ESRRG: variants seen among roughly 807,000 people sequenced by gnomAD.
The protein encoded by ESRRG is estrogen related receptor gamma, also known as estrogen-related receptor gamma.
A neutral mutation model predicts 44.0 loss-of-function variants in ESRRG; 13 were observed. That is an observed-to-expected ratio of 0.30 (90% CI 0.19 to 0.47). The LOEUF (loss-of-function observed/expected upper bound fraction) is 0.47, where lower values mean the gene tolerates loss of function less well. ESRRG is among the 20% of genes least tolerant of loss of function. The pLI is 1.00. For synonymous variants in ESRRG, 215 were observed against 214.6 expected, an observed-to-expected ratio of 1.00 and a Z score of -0.02; for missense variants, 395 against 580.6, an observed-to-expected ratio of 0.68 and a Z score of 3.29.
intron 1 of ESRRG, among the ~76,000 whole-genome samples, chr1:216,683,708 A>T (rs953012244): frequency 6.6e-6 from 1 of 152,200 alleles, no homozygotes; most frequent in African/African-American, 2.4e-5. Flanking sequence ...TGATCATCGA[A>T]ATAAAAGTGT....
At chr1:216,952,821 C>T (rs1465042083) in intron 1 of ESRRG, among the ~76,000 whole-genome samples, 1 of 152,038 alleles carries the variant, frequency 6.6e-6, no homozygotes, top group Non-Finnish European at 1.5e-5. Context: ...TCTTTCCTGG[C>T]ACTGTTTTAC....
intron 5 of ESRRG, among the ~76,000 whole-genome samples, chr1:216,557,082 A>T (rs1175389186): frequency 6.6e-6 from 1 of 152,180 alleles, no homozygotes; most frequent in Non-Finnish European, 1.5e-5. Flanking sequence ...CAGTCTTAGC[A>T]ACCAATCATT....
At chr1:216,701,373 G>A (rs1261499003) in intron 1 of ESRRG, 1 of 152,148 alleles carries the variant, frequency 6.6e-6, no homozygotes, top group Non-Finnish European at 1.5e-5. Flanking sequence ...GACATTCTGT[G>A]AGATCCTGTC....
chr1:216,805,918 T>C (rs1404817600), intron 2 of ESRRG, among the ~76,000 whole-genome samples: 1 of 152,128 alleles, frequency 6.6e-6, no homozygotes, highest in Non-Finnish European at 1.5e-5. Flanking sequence ...AGAAGATGAC[T>C]AGAAGGCTGT....
intron 2 of ESRRG, among the ~76,000 whole-genome samples, chr1:216,824,198 G>A (rs1040188682): frequency 2.0e-5 from 3 of 152,122 alleles, no homozygotes; most frequent in Non-Finnish European, 2.9e-5. Flanking sequence ...TGTAATCCCA[G>A]CACTTTGAGA....
At position 216,507,158 on chromosome 1, in the gene ESRRG, T is replaced by G; in HGVS notation, c.1158A>C (p.Glu386Asp). The change falls in exon 7 of 7, where the codon GAA becomes GAC. Residue 386 changes from glutamate (E) to aspartate (D), a missense_variant. This residue lies in a region of ESRRG where 167 missense variants were observed against 251.8 expected (regional missense o/e 0.66). Coordinates refer to ENST00000408911, the MANE Select transcript of ESRRG (RefSeq NM_001438.4). Reference sequence around the variant, plus strand: ...AGACATCCTGAAGCTTCTGAACGGCTTCAACATCTTCTATGTGCATGGAGT... The same window carrying G: ...AGACATCCTGAAGCTTCTGAACGGCGTCAACATCTTCTATGTGCATGGAGT... ...NSDSMHIEDV[E>D]AVQKLQDVLH... The G allele has an allele frequency of 6.2e-7, 1 of 1,612,276 alleles. No homozygotes were observed. The highest frequency in any genetic ancestry group is 1.3e-5 in the African/African-American group (1 of 74,998).
At chr1:216,990,480 A>G (rs1432386795) in intron 1 of ESRRG, among the ~76,000 whole-genome samples, 1 of 152,132 alleles carries the variant, frequency 6.6e-6, no homozygotes, top group South Asian at 2.1e-4. Flanking sequence ...TTAATTTCAT[A>G]TAGTGTTGAC....
At chr1:216,602,553 T>C (rs2059391388) in intron 3 of ESRRG, among the ~76,000 whole-genome samples, 1 of 152,160 alleles carries the variant, frequency 6.6e-6, no homozygotes, top group African/African-American at 2.4e-5. Context: ...CTGGAACACT[T>C]TGGCCATTTT....
At chr1:216,662,682 C>T (rs1399486012) in intron 2 of ESRRG, among the ~76,000 whole-genome samples, 4 of 152,214 alleles carry the variant, frequency 2.6e-5, no homozygotes, top group African/African-American at 4.8e-5. Context: ...ATGCCTCCTC[C>T]ACTGTGGGAT....
At chr1:217,113,719 G>A (rs762756619) in intron 1 of ESRRG, among the ~76,000 whole-genome samples, 1 of 152,194 alleles carries the variant, frequency 6.6e-6, no homozygotes, top group Non-Finnish European at 1.5e-5. Context: ...GCCAGGCACA[G>A]TGGCTTACAC....
At chr1:216,685,583 T>C (rs1033212413) in intron 1 of ESRRG, among the ~76,000 whole-genome samples, 2 of 152,192 alleles carry the variant, frequency 1.3e-5, no homozygotes, top group African/African-American at 4.8e-5. Flanking sequence ...ATTCAACTCA[T>C]AGAAAGTCTA....
At chr1:216,916,048 A>G (rs1177596495) in intron 2 of ESRRG, among the ~76,000 whole-genome samples, 1 of 152,086 alleles carries the variant, frequency 6.6e-6, no homozygotes, top group Non-Finnish European at 1.5e-5. Context: ...GTGTGTGTGT[A>G]CATGTGCCCA....
chr1:216,775,664 A>G (rs1289762721), intron 2 of ESRRG, among the ~76,000 whole-genome samples: 1 of 139,504 alleles, frequency 7.2e-6, no homozygotes, highest in Non-Finnish European at 1.5e-5. Flanking sequence ...TGATCCTCTC[A>G]CTTCAGCCTC....
At chr1:216,877,395 TTG>T (rs1216831682) in intron 2 of ESRRG, among the ~76,000 whole-genome samples, 1 of 150,464 alleles carries the variant, frequency 6.6e-6, no homozygotes, top group Non-Finnish European at 1.5e-5. Context: ...TTTTGTTTGT[TTG>T]TTTGTTTGTT....
intron 2 of ESRRG, among the ~76,000 whole-genome samples, chr1:216,794,707 A>G (rs1158346696): frequency 1.3e-5 from 2 of 152,182 alleles, no homozygotes; most frequent in Non-Finnish European, 2.9e-5. Context: ...GTTAGTGAAA[A>G]GGGTTCACTG....
At chr1:216,583,162 G>T (rs918271441) in intron 3 of ESRRG, among the ~76,000 whole-genome samples, 7 of 152,258 alleles carry the variant, frequency 4.6e-5, no homozygotes, top group African/African-American at 1.7e-4. Flanking sequence ...ATTACATAGG[G>T]TGAAAAAATG....
chr1:216,918,099 A>G (rs1459751122), intron 2 of ESRRG, among the ~76,000 whole-genome samples: 1 of 152,186 alleles, frequency 6.6e-6, no homozygotes, highest in Non-Finnish European at 1.5e-5. Flanking sequence ...TTATTTTTAA[A>G]TGATGCTAGA....
Position 216,715,063 on chromosome 1 carries a change from C to G in ESRRG, c.56+8181G>C, listed in dbSNP as rs79544282. 15 of 985,398 alleles carry G rather than the reference C, an allele frequency of 1.5e-5. No homozygotes were observed. The East Asian group carries it at 1.6e-3, about 104-fold the overall frequency. 61.0% of individuals were successfully genotyped at this position (985,398 alleles called of 1,614,324 possible). Reference sequence around the variant, plus strand: ...ACGAGAGAACAGAAAAAGGCGGCCACATGCTCCCACCTGAGCCCAACTCCT... The same window carrying G: ...ACGAGAGAACAGAAAAAGGCGGCCAGATGCTCCCACCTGAGCCCAACTCCT... On this transcript the variant is annotated intron_variant, in intron 1 of 6. Coordinates refer to ENST00000408911, the MANE Select transcript of ESRRG (RefSeq NM_001438.4).
chr1:216,917,328 C>T (rs909279177), intron 2 of ESRRG, among the ~76,000 whole-genome samples: 9 of 151,906 alleles, frequency 5.9e-5, no homozygotes, highest in African/African-American at 9.7e-5. Flanking sequence ...AGTGACTATA[C>T]GAGTGTGAGT....
Sources: gnomAD v4.1 joint callset for allele counts (sites outside exome capture counted in the v4.1 genomes callset) on GRCh38, gnomAD v4.1.1 for gene constraint, gnomAD v4.1.1 regional missense constraint, MANE v1.5 for transcripts, NCBI Gene and HGNC (gene_info 2026-07-23, HGNC 2026-07-21) for gene names.